Variants in XPA observed in about 807,000 individuals in gnomAD.
XPA encodes XPA, DNA damage recognition and repair factor, also known as DNA repair protein complementing XP-A cells.
Under a neutral mutation model 35.7 loss-of-function variants are expected in XPA, and 27 were observed. The observed-to-expected ratio is 0.76, with a 90% CI of 0.56 to 1.04. XPA has a LOEUF of 1.04. XPA is among the 50% of genes least tolerant of loss of function. XPA has a pLI of 0.00. For synonymous variants in XPA, 133 were observed against 118.4 expected, an observed-to-expected ratio of 1.12 and a Z score of -0.80; for missense variants, 354 against 342.7, an observed-to-expected ratio of 1.03 and a Z score of -0.26.
intron 5 of XPA, among the ~76,000 whole-genome samples, chr9:97,679,870 A>G (rs374198151): frequency 3.9e-5 from 6 of 152,190 alleles, no homozygotes; most frequent in African/African-American, 9.7e-5. Flanking sequence ...ATAAATGCTC[A>G]AACACATCAC....
At chr9:97,662,910 ATG>A in the XPA span, 1 of 1,384,346 alleles carries the variant, frequency 7.2e-7, no homozygotes, top group African/African-American at 1.5e-5. Flanking sequence ...AAAATGTTTA[ATG>A]AATAAGTATA....
At chr9:97,664,632 G>A in the XPA span, among the ~76,000 whole-genome samples, 1 of 152,144 alleles carries the variant, frequency 6.6e-6, no homozygotes, top group African/African-American at 2.4e-5. Flanking sequence ...AGGTTGCAGC[G>A]TCTCTTAGCA....
chr9:97,683,086 T>C (rs180790667), intron 5 of XPA, among the ~76,000 whole-genome samples: 451 of 152,240 alleles, frequency 3.0e-3, no homozygotes, highest in African/African-American at 0.01. Context: ...TTAATACTTA[T>C]TATTTTATCC....
rs1261771356 is a variant in XPA at position 97,687,178 on chromosome 9, C to T, written c.473G>A (p.Arg158Lys). The T allele has an allele frequency of 6.2e-7, 1 of 1,612,498 alleles. No individual in the cohort carries two copies. ...CACAATAAATTTAAGAGGTGGCTCT[C>T]TTTTTTCTAAATCACAGTCTTTCAG... ...YLLKDCDLEK[R>K]EPPLKFIVKK... The change falls in exon 4 of 6, where the codon AGA becomes AAA. Residue 158 changes from arginine (R) to lysine (K), a missense_variant. Coordinates refer to ENST00000375128, the MANE Select transcript of XPA (RefSeq NM_000380.4).
At chr9:97,671,238 C>G (rs770971060), downstream of XPA, 4 of 1,388,128 alleles carry the variant, frequency 2.9e-6, no homozygotes, top group African/African-American at 1.5e-5. Context: ...TTTTTGATAT[C>G]TTAAAATAAT....
chr9:97,687,458 AT>A (rs1245398534), intron 3 of XPA, among the ~76,000 whole-genome samples, 197 bp from the exon 4 acceptor site: 2 of 152,220 alleles, frequency 1.3e-5, no homozygotes, highest in African/African-American at 2.4e-5. Context: ...GGTAAGTTAC[AT>A]TATCTAGAGA....
At position 97,675,810 on chromosome 9, in the gene XPA, A is replaced by G. The variant is rs1484235996; in HGVS notation, c.674-223T>C. On this transcript the variant is annotated intron_variant, in intron 5 of 5. Coordinates refer to ENST00000375128, the MANE Select transcript of XPA (RefSeq NM_000380.4). ...CTGTGAATCAAGTTGTCACTGGAGC[A>G]GTGTGAAACAAGAGATTCAGAAATG... 4 of 591,282 alleles carry G rather than the reference A, an allele frequency of 6.8e-6. No homozygotes were observed. In the African/African-American group the frequency reaches 7.5e-5, roughly 11 times the overall value. 36.6% of individuals were successfully genotyped at this position (591,282 alleles called of 1,614,324 possible). A position where few individuals can be genotyped will look rare whatever the true frequency, so the allele number is the denominator to read the frequency against.
the XPA span, chr9:97,655,932 G>A: frequency 7.0e-7 from 1 of 1,428,740 alleles, no homozygotes; most frequent in Non-Finnish European, 9.7e-7. Context: ...GTTGTTATAA[G>A]TTAACAGATA....
At chr9:97,664,823 A>G in the XPA span, among the ~76,000 whole-genome samples, 1 of 152,196 alleles carries the variant, frequency 6.6e-6, no homozygotes, top group Non-Finnish European at 1.5e-5. Context: ...CACACCAGGA[A>G]GTAGGAGAAA....
the XPA span, among the ~76,000 whole-genome samples, chr9:97,662,318 G>A: frequency 6.6e-6 from 1 of 152,180 alleles, no homozygotes; most frequent in East Asian, 1.9e-4. Flanking sequence ...GCTTCCGTCA[G>A]TCTGTTTGTA....
At chr9:97,674,227 A>G (rs1327642562), downstream of XPA, among the ~76,000 whole-genome samples, 1 of 151,996 alleles carries the variant, frequency 6.6e-6, no homozygotes, top group African/African-American at 2.4e-5. Context: ...TTTTTTCCCC[A>G]GAGACATCTT....
chr9:97,675,604 A>T lies in XPA; in HGVS notation c.674-17T>A, dbSNP rs1330834699. 1.2e-6 allele frequency: 2 copies of T among 1,613,872 alleles called. No individual in the cohort carries two copies. Among genetic ancestry groups the T allele is most frequent in the Non-Finnish European group, 1.7e-6 (2 of 1,179,882 alleles). On this transcript the variant is annotated splice_polypyrimidine_tract_variant and intron_variant, in intron 5 of 5. Transcript: ENST00000375128. ...GCCGCAATTCTGAAAAAAAAATTTT[A>T]AAGTCATCTTTTCAGTGGTGCTATT...
At chr9:97,680,511 C>T (rs556185428) in intron 5 of XPA, among the ~76,000 whole-genome samples, 2 of 152,176 alleles carry the variant, frequency 1.3e-5, no homozygotes, top group Non-Finnish European at 1.5e-5. Flanking sequence ...CAGGCATAAG[C>T]CACTGCTCCC....
At chr9:97,685,137 A>G (rs1193155032) in intron 4 of XPA, 97 bp from the exon 5 acceptor site, 5 of 894,268 alleles carry the variant, frequency 5.6e-6, no homozygotes, top group Non-Finnish European at 7.0e-6. Context: ...AGAATGATCT[A>G]ACTCAAGTAT....
downstream of XPA, chr9:97,671,165 C>T: frequency 6.2e-7 from 1 of 1,613,268 alleles, no homozygotes; most frequent in Non-Finnish European, 8.5e-7. Flanking sequence ...CATATCTTGG[C>T]CGTGTTCCAG....
Position 97,675,483 on chromosome 9 carries a change from T to G in XPA, c.778A>C (p.Thr260Pro), listed in dbSNP as rs759147018. 2 of 1,613,802 alleles carry G rather than the reference T, an allele frequency of 1.2e-6. No individual in the cohort carries two copies. The highest frequency in any genetic ancestry group is 2.2e-5 in the South Asian group (2 of 91,082). ...ENLEDDMYRK[T>P]CTMCGHELTY... ...AGTTCATGGCCACACATAGTACAAG[T>G]CTTACGGTACATGTCATCTTCTAGG... is the stretch of plus-strand genomic sequence containing the variant. The change falls in exon 6 of 6, where the codon ACT (threonine) becomes CCT (proline). Residue 260 changes from threonine to proline, a missense_variant. Thr to Pro is a conservative substitution (Grantham distance 38, BLOSUM62 -1). Transcript: ENST00000375128.
downstream of XPA, chr9:97,671,278 T>A: frequency 1.9e-6 from 2 of 1,042,506 alleles, no homozygotes; most frequent in Non-Finnish European, 2.9e-6. Context: ...TTTGAATGCT[T>A]GCTTTCTTGT....
At chr9:97,694,315 G>A (rs3176647) in intron 1 of XPA, among the ~76,000 whole-genome samples, 2,742 of 152,318 alleles carry the variant, frequency 0.018, 103 homozygotes, top group African/African-American at 0.062. Context: ...TTGATTGTGG[G>A]TAACTAAAGC....
the XPA span, among the ~76,000 whole-genome samples, chr9:97,657,922 ATATATT>A: frequency 3.1e-4 from 36 of 117,336 alleles, no homozygotes; most frequent in African/African-American, 1.0e-3. Flanking sequence ...ATATATATAT[ATATATT>A]TTTTTTTTTT....
Sources: gnomAD v4.1 joint callset for allele counts (sites outside exome capture counted in the v4.1 genomes callset) on GRCh38, gnomAD v4.1.1 for gene constraint, MANE v1.5 for transcripts, NCBI Gene and HGNC (gene_info 2026-07-23, HGNC 2026-07-21) for gene names.